The following FAM118B variants were observed in gnomAD, a reference collection of about 807,000 sequenced individuals.
FAM118B encodes protein FAM118B.
In FAM118B, 24 loss-of-function variants were observed where a neutral mutation model predicts 38.5. That is an observed-to-expected ratio of 0.62 (90% CI 0.45 to 0.88). The LOEUF is 0.88. FAM118B is among the 40% of genes least tolerant of loss of function. The pLI is 0.00. For synonymous variants in FAM118B, 138 were observed against 156.3 expected, an observed-to-expected ratio of 0.88 and a Z score of 0.87; for missense variants, 334 against 420.0, an observed-to-expected ratio of 0.80 and a Z score of 1.79.
intron 3 of FAM118B, among the ~76,000 whole-genome samples, chr11:126,237,424 G>T (rs1159019214): frequency 1.4e-5 from 2 of 145,970 alleles, no homozygotes; most frequent in South Asian, 2.1e-4. Flanking sequence ...TTTAAATAAA[G>T]ACAGGTTTTC....
chr11:126,215,568 G>T (rs1328417168), intron 1 of FAM118B, among the ~76,000 whole-genome samples: 1 of 151,808 alleles, frequency 6.6e-6, no homozygotes, highest in Non-Finnish European at 1.5e-5. Context: ...GTGGTGGCAG[G>T]CACCTGTAGT....
At chr11:126,219,536 T>G (rs951765729) in intron 1 of FAM118B, among the ~76,000 whole-genome samples, 1 of 151,898 alleles carries the variant, frequency 6.6e-6, no homozygotes, top group African/African-American at 2.4e-5. Context: ...GCTAAGTTTT[T>G]TATTTTTGTA....
rs1046530478 is a variant in FAM118B, at chr11:126,256,159, G to A, written c.697-408G>A. ...GGTGGTGCACACTTGTAATATACTCGGGAGGCTGAGGCATGAGAGTCACTT... is the reference window on the plus strand; with the variant it reads ...GGTGGTGCACACTTGTAATATACTCAGGAGGCTGAGGCATGAGAGTCACTT... On this transcript the variant is annotated intron_variant, in intron 6 of 8. Transcript: ENST00000533050. The surrounding 1 kb of genome is among the most constrained non-coding windows in gnomAD (Gnocchi z 6.6). 3.3e-5 allele frequency among the ~76,000 whole-genome samples: 5 copies of A among 152,138 alleles called. No homozygotes were observed. Among genetic ancestry groups the A allele is most frequent in the African/African-American group, 1.2e-4 (5 of 41,410 alleles).
intron 1 of FAM118B, among the ~76,000 whole-genome samples, chr11:126,222,756 A>C (rs772958658): frequency 6.6e-6 from 1 of 152,178 alleles, no homozygotes; most frequent in Non-Finnish European, 1.5e-5. Context: ...TTAATGGTAG[A>C]TACACACTCA....
rs758915332 is a variant in FAM118B, at chr11:126,250,555, T to C, written c.389T>C (p.Val130Ala). 8.1e-6 allele frequency: 13 copies of C among 1,614,016 alleles called. No homozygotes were observed. The highest frequency in any genetic ancestry group is 1.1e-5 in the Non-Finnish European group (13 of 1,180,010). ...STFFKDCLYE[V>A]FDDLESKMED... is the part of the protein sequence containing the mutation. ...TTTTTCAAGGACTGTTTATATGAAG[T>C]ATTTGATGACTTGGAGTCAAAGATG... The change falls in exon 5 of 9, where the codon GTA becomes GCA. Residue 130 changes from valine (V) to alanine (A), a missense_variant. By Grantham distance (64) the Val-to-Ala change is moderately conservative. This residue lies in a region of FAM118B where 240 missense variants were observed against 295.9 expected (regional missense o/e 0.81). Transcript: ENST00000533050. The surrounding 1 kb of genome is among the most constrained non-coding windows in gnomAD (Gnocchi z 5.1).
chr11:126,236,088 A>G (rs893560259), intron 3 of FAM118B, among the ~76,000 whole-genome samples: 1 of 152,200 alleles, frequency 6.6e-6, no homozygotes, highest in African/African-American at 2.4e-5. Flanking sequence ...CACTCTGGAC[A>G]CTTGTTCTCC....
chr11:126,254,653 C>T (rs932195070), intron 6 of FAM118B, among the ~76,000 whole-genome samples: 1 of 152,108 alleles, frequency 6.6e-6, no homozygotes, highest in African/African-American at 2.4e-5. Flanking sequence ...GGCAACATAG[C>T]GAGACTCTTG....
chr11:126,262,527 T>TG lies in FAM118B; in HGVS notation c.*396dup. On this transcript the variant is annotated 3_prime_UTR_variant, in exon 9 of 9. Coordinates refer to ENST00000533050, the MANE Select transcript of FAM118B (RefSeq NM_024556.4). ...TTGTTGCAGTTTTGTACTCTATACT[T>TG]GGTTTTTCAATTAAGCTTAATGGCT... The TG allele has an allele frequency of 4.6e-6, 1 of 217,784 alleles. No homozygotes were observed. The highest frequency in any genetic ancestry group is 9.0e-6 in the Non-Finnish European group (1 of 110,930). The allele number at this position is 217,784 out of a possible 1,614,324, so 13.5% of individuals were successfully genotyped here. A position where few individuals can be genotyped will look rare whatever the true frequency, so the allele number is the denominator to read the frequency against.
chr11:126,231,732 A>C (rs899362679), intron 2 of FAM118B, among the ~76,000 whole-genome samples: 2 of 152,250 alleles, frequency 1.3e-5, no homozygotes, highest in African/African-American at 4.8e-5. Flanking sequence ...CAGAAAGCTT[A>C]GTATTCAGGT....
chr11:126,260,756 A>G (rs1950673598), intron 7 of FAM118B: 1 of 152,184 alleles, frequency 6.6e-6, no homozygotes, highest in African/African-American at 2.4e-5. Flanking sequence ...ACTGTAATTG[A>G]CCATATTTCT....
intron 4 of FAM118B, among the ~76,000 whole-genome samples, chr11:126,248,919 C>T (rs1447609160): frequency 6.6e-6 from 1 of 152,196 alleles, no homozygotes. Context: ...AGTTACTTTC[C>T]CATTTCAAAT....
chr11:126,235,878 G>A (rs548143044), intron 3 of FAM118B, among the ~76,000 whole-genome samples: 2 of 129,370 alleles, frequency 1.5e-5, no homozygotes, highest in South Asian at 4.2e-4. Flanking sequence ...ATTCATAGCT[G>A]AGCCTAATGC....
intron 4 of FAM118B, among the ~76,000 whole-genome samples, chr11:126,241,499 A>G (rs1159472946): frequency 6.6e-6 from 1 of 152,154 alleles, no homozygotes; most frequent in Non-Finnish European, 1.5e-5. Context: ...ATTTTACCAA[A>G]CTGAGTTGGA....
intron 4 of FAM118B, among the ~76,000 whole-genome samples, chr11:126,247,988 G>GTA (rs949703012): frequency 1.1e-4 from 15 of 131,056 alleles, no homozygotes; most frequent in East Asian, 4.6e-4. Flanking sequence ...TATATATATT[G>GTA]TATATATATA....
chr11:126,242,700 C>T (rs1466853909), intron 4 of FAM118B, among the ~76,000 whole-genome samples: 2 of 152,120 alleles, frequency 1.3e-5, no homozygotes, highest in African/African-American at 4.8e-5. Flanking sequence ...ATTTCACACC[C>T]GCTGGCATGA....
intron 4 of FAM118B, among the ~76,000 whole-genome samples, chr11:126,246,199 A>T (rs1309666357): frequency 6.6e-6 from 1 of 152,136 alleles, no homozygotes; most frequent in Non-Finnish European, 1.5e-5. Flanking sequence ...AAGTATTGCG[A>T]TTATGTTTTT....
chr11:126,262,080 T>C (rs1160664093), intron 8 of FAM118B, 40 bp from the exon 9 acceptor site: 6 of 1,613,012 alleles, frequency 3.7e-6, no homozygotes, highest in Admixed American at 1.7e-5. Context: ...AAACCTGTTT[T>C]GTGAAACTTC....
At chr11:126,242,499 G>A (rs922827100) in intron 4 of FAM118B, among the ~76,000 whole-genome samples, 17 of 152,196 alleles carry the variant, frequency 1.1e-4, no homozygotes, top group East Asian at 3.9e-4. Flanking sequence ...TCTCATAGGC[G>A]TATAATATCC....
chr11:126,235,032 A>G lies in FAM118B; in HGVS notation c.31A>G (p.Ile11Val). The change falls in exon 3 of 9, where the codon ATA becomes GTA. Residue 11 changes from isoleucine to valine, a missense_variant. Around this residue, in one of 3 missense-constraint regions of FAM118B, gnomAD observed 240 missense variants for 295.9 expected, o/e 0.81. Transcript: ENST00000533050. ...TTCTACAGGGAGCCAGGCCTCTGAT[A>G]TAGACGAGATTTTTGGATTCTTCAA... is the stretch of plus-strand genomic sequence containing the variant. MASTGSQASD[I>V]DEIFGFFNDG... 1 of 1,614,186 alleles carries G rather than the reference A, an allele frequency of 6.2e-7. No individual in the cohort carries two copies. The highest frequency in any genetic ancestry group is 8.5e-7 in the Non-Finnish European group (1 of 1,180,032).
Sources: allele counts gnomAD v4.1 joint callset (sites outside exome capture counted in the v4.1 genomes callset), GRCh38; gene constraint gnomAD v4.1.1; regional missense constraint gnomAD v4.1.1; non-coding constraint Gnocchi (gnomAD v3.1); transcripts MANE v1.5; gene names NCBI Gene and HGNC (gene_info 2026-07-23, HGNC 2026-07-21).